Variants in LMNB1 observed in about 807,000 individuals in gnomAD.
LMNB1 encodes the protein lamin B1.
A neutral mutation model predicts 67.1 loss-of-function variants in LMNB1; 23 were observed. That is an observed-to-expected ratio of 0.34 (90% CI 0.25 to 0.49). The LOEUF is 0.49. Among genes scored for constraint, LMNB1 ranks in the 20% least tolerant of loss-of-function variants. The pLI is 0.99. For missense variants in LMNB1, 634 were observed against 746.5 expected (o/e 0.85, Z 1.76); for synonymous variants, 281 against 282.9 (o/e 0.99, Z 0.07).
intron 1 of LMNB1, among the ~76,000 whole-genome samples, chr5:126,783,802 T>C (rs547623880): frequency 1.1e-4 from 16 of 152,132 alleles, no homozygotes; most frequent in Non-Finnish European, 2.4e-4. Flanking sequence ...CTGATATGTC[T>C]GAGTTAGAAA....
chr5:126,830,089 T>C (rs755554977), intron 9 of LMNB1, among the ~76,000 whole-genome samples: 18 of 152,234 alleles, frequency 1.2e-4, no homozygotes, highest in Admixed American at 2.6e-4. Context: ...TCATCTTTCG[T>C]CCACATAAGA....
chr5:126,804,762 T>A lies in LMNB1; in HGVS notation c.360-14T>A, dbSNP rs1751373998. 6.2e-7 allele frequency: 1 copy of A among 1,612,332 alleles called. No homozygotes were observed. The highest frequency in any genetic ancestry group is 1.7e-5 in the Admixed American group (1 of 59,706). Reference sequence around the variant, plus strand: ...GTATGGTTTGATGTCTTATGCTTTTTAAATCTGTTCCAGCTATGCTAAGAA... The same window carrying A: ...GTATGGTTTGATGTCTTATGCTTTTAAAATCTGTTCCAGCTATGCTAAGAA... On this transcript the variant is annotated splice_polypyrimidine_tract_variant and intron_variant, in intron 1 of 10. Transcript: ENST00000261366.
chr5:126,785,294 AAT>A (rs1491321860), intron 1 of LMNB1, among the ~76,000 whole-genome samples: 5 of 133,394 alleles, frequency 3.7e-5, no homozygotes, highest in African/African-American at 1.2e-4. Context: ...CCTAAAAATT[AAT>A]TTTTTTTTTT....
chr5:126,798,760 GA>G (rs1248882736), intron 1 of LMNB1, among the ~76,000 whole-genome samples: 1 of 93,792 alleles, frequency 1.1e-5, no homozygotes, highest in Non-Finnish European at 2.2e-5. Context: ...TGAAAAAAGA[GA>G]AGTGTGTGTG....
intron 1 of LMNB1, among the ~76,000 whole-genome samples, chr5:126,801,981 G>A (rs1004077435): frequency 1.5e-4 from 23 of 152,206 alleles, no homozygotes; most frequent in African/African-American, 5.1e-4. Flanking sequence ...TTATAGTGGG[G>A]CAAAATAGAG....
chr5:126,824,657 A>G (rs913215634), intron 8 of LMNB1, among the ~76,000 whole-genome samples: 1 of 152,236 alleles, frequency 6.6e-6, no homozygotes, highest in Admixed American at 6.5e-5. Context: ...AAACACTAAC[A>G]TTCCACATAG....
chr5:126,824,754 A>C (rs1239135210), intron 8 of LMNB1, among the ~76,000 whole-genome samples: 1 of 152,152 alleles, frequency 6.6e-6, no homozygotes, highest in African/African-American at 2.4e-5. Context: ...ATGCTGATGA[A>C]AGATCTGGAT....
chr5:126,795,948 T>TTTTTTTTTTTC (rs1751079031), intron 1 of LMNB1, among the ~76,000 whole-genome samples: 1 of 145,224 alleles, frequency 6.9e-6, no homozygotes, highest in Admixed American at 6.9e-5. Flanking sequence ...TTTTTTTTTT[T>TTTTTTTTTTTC]TGAGACGGAG....
intron 5 of LMNB1, among the ~76,000 whole-genome samples, chr5:126,817,003 GCCA>G (rs1393647310): frequency 6.6e-6 from 1 of 152,182 alleles, no homozygotes; most frequent in African/African-American, 2.4e-5. Flanking sequence ...GGACTTAAGC[GCCA>G]CATTCTGGAG....
intron 1 of LMNB1, among the ~76,000 whole-genome samples, chr5:126,784,276 G>A (rs1303206739): frequency 2.0e-5 from 3 of 151,946 alleles, no homozygotes; most frequent in Non-Finnish European, 2.9e-5. Context: ...TGATCCGCCC[G>A]CCTTGGCCTC....
At chr5:126,787,509 C>T (rs752443773) in intron 1 of LMNB1, among the ~76,000 whole-genome samples, 22 of 113,432 alleles carry the variant, frequency 1.9e-4, no homozygotes, top group Non-Finnish European at 2.9e-4. Context: ...TTATATATAA[C>T]GTGTGTGTGT....
chr5:126,783,056 G>A (rs755658203), intron 1 of LMNB1, among the ~76,000 whole-genome samples: 30 of 151,778 alleles, frequency 2.0e-4, no homozygotes, highest in Admixed American at 2.6e-4. Context: ...AAAATCAGCC[G>A]GGCGTGGTGG....
intron 1 of LMNB1, among the ~76,000 whole-genome samples, chr5:126,796,861 C>T (rs1320162699): frequency 7.0e-6 from 1 of 142,808 alleles, no homozygotes; most frequent in African/African-American, 2.6e-5. Context: ...GATCTCAGCT[C>T]ACTGCAACCT....
At chr5:126,830,773 G>A (rs12517303) in intron 9 of LMNB1, among the ~76,000 whole-genome samples, 8,819 of 152,152 alleles carry the variant, frequency 0.058, 293 homozygotes, top group Middle Eastern at 0.092. Flanking sequence ...TATTTGACTC[G>A]TTCCTCATTT....
chr5:126,794,380 C>G (rs1404559507), intron 1 of LMNB1, among the ~76,000 whole-genome samples: 1 of 152,164 alleles, frequency 6.6e-6, no homozygotes, highest in Non-Finnish European at 1.5e-5. Context: ...GGAGCAAATG[C>G]ATGCTTGATA....
intron 5 of LMNB1, among the ~76,000 whole-genome samples, chr5:126,812,111 A>T (rs763353152): frequency 3.9e-5 from 6 of 152,204 alleles, no homozygotes; most frequent in Non-Finnish European, 7.3e-5. Flanking sequence ...CCTAATTAGT[A>T]GATTACACAG....
At chr5:126,778,253 G>T (rs1002565889) in intron 1 of LMNB1, among the ~76,000 whole-genome samples, 1 of 152,050 alleles carries the variant, frequency 6.6e-6, no homozygotes. Flanking sequence ...GCGCGCTCGC[G>T]TGCGCGCCCC....
chr5:126,800,593 A>G (rs569082381), intron 1 of LMNB1, among the ~76,000 whole-genome samples: 1 of 149,322 alleles, frequency 6.7e-6, no homozygotes, highest in Admixed American at 6.6e-5. Context: ...GCAGAAAACT[A>G]GGACTGTTGG....
intron 5 of LMNB1, among the ~76,000 whole-genome samples, chr5:126,812,420 G>A (rs1751600376): frequency 1.3e-5 from 2 of 152,178 alleles, no homozygotes; most frequent in African/African-American, 4.8e-5. Flanking sequence ...TCATTCATTC[G>A]TTGGTACGCC....
Sources: gnomAD v4.1 joint callset for allele counts (sites outside exome capture counted in the v4.1 genomes callset) on GRCh38, gnomAD v4.1.1 for gene constraint, MANE v1.5 for transcripts, NCBI Gene and HGNC (gene_info 2026-07-23, HGNC 2026-07-21) for gene names.